ANK3: variants seen among roughly 807,000 people sequenced by gnomAD.
The protein encoded by ANK3 is ankyrin-3.
In ANK3, 57 loss-of-function variants were observed where a neutral mutation model predicts 370.9. The ratio of observed to expected loss-of-function variants is 0.15; its 90% CI spans 0.12 to 0.19. ANK3 has a LOEUF of 0.19. ANK3 is among the 10% of genes least tolerant of loss of function. ANK3 has a pLI of 1.00. For missense variants in ANK3, 4,439 were observed against 5,302.1 expected (o/e 0.84, Z 5.06); for synonymous variants, 1,929 against 1,946.3 (o/e 0.99, Z 0.23).
Position 60,305,374 on chromosome 10 carries a change from G to A in ANK3, c.115-25735C>T, listed in dbSNP as rs540726988. 9.9e-5 allele frequency among the ~76,000 whole-genome samples: 15 copies of A among 151,770 alleles called. 1 individual carries two copies. Among genetic ancestry groups the A allele is most frequent in the Admixed American group, 2.0e-4 (3 of 15,236 alleles). Reference sequence around the variant, plus strand: ...AGCAACAAAAACCAGAAAATAAGATGTCTGGCTCTAGGCAGGACATTCGTG... The same window carrying A: ...AGCAACAAAAACCAGAAAATAAGATATCTGGCTCTAGGCAGGACATTCGTG... On this transcript the variant is annotated intron_variant, in intron 1 of 43. Transcript: ENST00000280772.
At chr10:60,589,100 G>A (rs2077874938) in intron 2 of ANK3, among the ~76,000 whole-genome samples, 1 of 152,072 alleles carries the variant, frequency 6.6e-6, no homozygotes, top group African/African-American at 2.4e-5. Context: ...AATGTTTCAT[G>A]ATATTAAGAT....
At chr10:60,432,793 G>C (rs527973223) in intron 2 of ANK3, among the ~76,000 whole-genome samples, 1 of 152,156 alleles carries the variant, frequency 6.6e-6, no homozygotes, top group Non-Finnish European at 1.5e-5. Context: ...CAGTAATGAG[G>C]AGAGCATGAC....
intron 2 of ANK3, among the ~76,000 whole-genome samples, chr10:60,480,336 C>T (rs866467538): frequency 4.0e-5 from 6 of 151,722 alleles, no homozygotes; most frequent in Admixed American, 6.6e-5. Context: ...CGAATGCTTA[C>T]GGAAAAAATA....
intron 1 of ANK3, among the ~76,000 whole-genome samples, chr10:60,701,704 T>G (rs2079547673): frequency 6.6e-6 from 1 of 152,222 alleles, no homozygotes; most frequent in South Asian, 2.1e-4. Flanking sequence ...TCCGCTGTGC[T>G]GCCCATTGCA....
chr10:60,081,247 G>T (rs2085151844), intron 35 of ANK3, among the ~76,000 whole-genome samples: 1 of 152,138 alleles, frequency 6.6e-6, no homozygotes, highest in African/African-American at 2.4e-5. Flanking sequence ...ACCACGTCCA[G>T]CTAATTTTTG....
At chr10:60,523,695 T>C (rs1371875107) in intron 2 of ANK3, among the ~76,000 whole-genome samples, 2 of 152,020 alleles carry the variant, frequency 1.3e-5, no homozygotes, top group African/African-American at 4.8e-5. Flanking sequence ...AGTGCTGCAA[T>C]AAACATACGT....
At chr10:60,621,248 G>C (rs1280084465) in intron 1 of ANK3, among the ~76,000 whole-genome samples, 1 of 152,194 alleles carries the variant, frequency 6.6e-6, no homozygotes, top group Admixed American at 6.5e-5. Context: ...CTACTGGAAT[G>C]CAGCATTCTA....
chr10:60,223,523 T>C (rs1195410090), intron 8 of ANK3, among the ~76,000 whole-genome samples: 1 of 151,900 alleles, frequency 6.6e-6, no homozygotes, highest in Non-Finnish European at 1.5e-5. Context: ...GGAGGTAACT[T>C]AGTACTATGT....
In ANK3 at chr10:60,156,079, G is replaced by A. The variant is rs116357961; in HGVS notation, c.2614+10512C>T. ...CTATCCTATTAGTTCTGTCCCTCTA[G>A]AGAATGCTGACTAATACAGAGGTGG... On this transcript the variant is annotated intron_variant, in intron 23 of 43. Transcript: ENST00000280772. Among the ~76,000 whole-genome samples the A allele has an allele frequency of 3.7e-3, 561 of 152,274 alleles. 6 individuals are homozygous for A. Among genetic ancestry groups the A allele is most frequent in the African/African-American group, 0.013 (525 of 41,554 alleles).
intron 1 of ANK3, chr10:60,684,374 C>T (rs1230479683): frequency 3.9e-6 from 2 of 513,198 alleles, no homozygotes; most frequent in Non-Finnish European, 6.7e-6. Flanking sequence ...TCCCCAGCGG[C>T]TGAGAGAGAC....
rs1595076020 is a variant in ANK3, at chr10:60,461,131, G to A, written c.96+154055C>T. Among the ~76,000 whole-genome samples the A allele has an allele frequency of 3.3e-5, 5 of 152,114 alleles. No homozygotes were observed. The South Asian group carries it at 1.0e-3, about 31-fold the overall frequency. On this transcript the variant is annotated intron_variant, in intron 2 of 43. Transcript: ENST00000373827. ...TTTATCATATGCTCTCTCTCAGCAC[G>A]TCACATCCTATCACAGGCTGCTCAT...
At position 60,648,732 on chromosome 10, in the gene ANK3, T is replaced by C. The variant is rs562689497; in HGVS notation, c.58-33508A>G. 5.5e-3 allele frequency among the ~76,000 whole-genome samples: 796 copies of C among 144,900 alleles called. 9 individuals are homozygous for C. The highest frequency in any genetic ancestry group is 0.02 in the African/African-American group (761 of 38,952). On this transcript the variant is annotated intron_variant, in intron 1 of 43. Transcript: ENST00000373827. ...TTGCAGTGAGCTGAGTTCACGCCAC[T>C]GAACTCCAGCCTGGGTGACAGAATA...
At chr10:60,472,715 G>C (rs994042461) in intron 2 of ANK3, among the ~76,000 whole-genome samples, 3 of 152,044 alleles carry the variant, frequency 2.0e-5, no homozygotes, top group African/African-American at 7.3e-5. Context: ...AACAGCAACC[G>C]CACAAGCATT....
At chr10:60,304,942 G>A (rs187496472) in intron 1 of ANK3, among the ~76,000 whole-genome samples, 1 of 152,286 alleles carries the variant, frequency 6.6e-6, no homozygotes, top group Non-Finnish European at 1.5e-5. Context: ...TGCTTGCTCT[G>A]TGCCTGTTTC....
At chr10:60,491,097 G>T (rs10821775) in intron 2 of ANK3, among the ~76,000 whole-genome samples, 1 of 152,016 alleles carries the variant, frequency 6.6e-6, no homozygotes, top group South Asian at 2.1e-4. Flanking sequence ...CTATGTTGTT[G>T]CATGGTATCA....
At chr10:60,491,887 G>T (rs1206438700) in intron 2 of ANK3, among the ~76,000 whole-genome samples, 1 of 152,068 alleles carries the variant, frequency 6.6e-6, no homozygotes. Flanking sequence ...CTACCTCACA[G>T]TATTTTTGCA....
intron 23 of ANK3, among the ~76,000 whole-genome samples, chr10:60,159,455 C>T (rs184968195): frequency 3.7e-4 from 57 of 152,212 alleles, no homozygotes; most frequent in Non-Finnish European, 7.4e-5. Context: ...GAGAGATAGA[C>T]CCCAATACAA....
chr10:60,364,541 TGGGGGGTG>T (rs1399057937), intron 1 of ANK3, among the ~76,000 whole-genome samples: 1 of 151,110 alleles, frequency 6.6e-6, no homozygotes, highest in Non-Finnish European at 1.5e-5. Context: ...TGGGGCCTGT[TGGGGGGTG>T]GGAGGCTACG....
intron 2 of ANK3, among the ~76,000 whole-genome samples, chr10:60,428,640 C>A (rs924991779): frequency 6.6e-6 from 1 of 152,120 alleles, no homozygotes; most frequent in Admixed American, 6.6e-5. Context: ...ATTGAAATCA[C>A]ATCTTAAGAC....
Sources: allele counts gnomAD v4.1 joint callset (sites outside exome capture counted in the v4.1 genomes callset), GRCh38; gene constraint gnomAD v4.1.1; transcripts MANE v1.5; gene names NCBI Gene and HGNC (gene_info 2026-07-23, HGNC 2026-07-21).